The following CNTLN variants were observed in gnomAD, a reference collection of about 807,000 sequenced individuals.
CNTLN encodes centlein, centrosomal protein.
In CNTLN, 212 loss-of-function variants were observed where a neutral mutation model predicts 180.0. The observed-to-expected ratio is 1.18, with a 90% confidence interval of 1.05 to 1.32. The LOEUF (loss-of-function observed/expected upper bound fraction) is 1.32, where lower values mean the gene tolerates loss of function less well. CNTLN is among the 40% of genes most tolerant of loss of function. The probability of loss-of-function intolerance (pLI) is 0.00; values close to 1 mark genes in which losing one functional copy is unlikely to be tolerated. For synonymous variants in CNTLN, 722 were observed against 563.1 expected, an observed-to-expected ratio of 1.28 and a Z score of -3.99; for missense variants, 2,095 against 1,610.9, an observed-to-expected ratio of 1.30 and a Z score of -5.14.
chr9:17,327,026 G>T (rs747097026), intron 8 of CNTLN, among the ~76,000 whole-genome samples: 2 of 152,066 alleles, frequency 1.3e-5, no homozygotes, highest in African/African-American at 4.8e-5. Flanking sequence ...TTCAGTAATT[G>T]TAACAAATGT....
At chr9:17,268,453 G>T (rs10962980) in intron 5 of CNTLN, among the ~76,000 whole-genome samples, 7,118 of 152,228 alleles carry the variant, frequency 0.047, 223 homozygotes, top group South Asian at 0.15. Context: ...TGCCCCTACT[G>T]GGGGGTGCCT....
intron 16 of CNTLN, among the ~76,000 whole-genome samples, chr9:17,410,732 G>A (rs750588631): frequency 6.6e-5 from 10 of 152,066 alleles, no homozygotes; most frequent in Non-Finnish European, 1.5e-4. Context: ...TTCATGTGAT[G>A]TGAGATAGGG....
rs1588021976 is a variant in CNTLN, at chr9:17,448,993, C to T, written c.3115-8531C>T. ...AATAGCGCTACCATCCTCTTTCTTT[C>T]CTATTGAGGAAAGGAGTCAGAATGG... On this transcript the variant is annotated intron_variant, in intron 18 of 25. Coordinates refer to ENST00000380647, the MANE Select transcript of CNTLN (RefSeq NM_017738.4). Among the ~76,000 whole-genome samples, 5 of 152,244 alleles carry T rather than the reference C, an allele frequency of 3.3e-5. No individual in the cohort carries two copies. In the South Asian group the frequency reaches 1.0e-3, roughly 32 times the overall value.
At chr9:17,159,806 G>A (rs557904416) in intron 2 of CNTLN, among the ~76,000 whole-genome samples, 1 of 152,156 alleles carries the variant, frequency 6.6e-6, no homozygotes, top group Non-Finnish European at 1.5e-5. Flanking sequence ...CTTTCATACT[G>A]ATTGATAGAT....
At position 17,370,208 on chromosome 9, in the gene CNTLN, T is replaced by C. The variant is rs190352937; in HGVS notation, c.1987+3491T>C. On this transcript the variant is annotated intron_variant, in intron 13 of 25. Coordinates refer to ENST00000380647, the MANE Select transcript of CNTLN (RefSeq NM_017738.4). ...ATAACAATATTCAACTATGAGAAAG[T>C]TGTAGAACACCAAGCAGGTTTAACC... Among the ~76,000 whole-genome samples the C allele has an allele frequency of 5.2e-3, 793 of 152,204 alleles. 5 individuals carry two copies. Among genetic ancestry groups the C allele is most frequent in the Admixed American group, 8.2e-3 (126 of 15,284 alleles).
chr9:17,193,563 A>C (rs1821925992), intron 2 of CNTLN, among the ~76,000 whole-genome samples: 1 of 152,160 alleles, frequency 6.6e-6, no homozygotes, highest in Non-Finnish European at 1.5e-5. Context: ...GTGATCAAAG[A>C]GGTGAGTTCC....
chr9:17,192,074 A>G (rs539013387), intron 2 of CNTLN, among the ~76,000 whole-genome samples: 24 of 152,290 alleles, frequency 1.6e-4, no homozygotes, highest in African/African-American at 5.1e-4. Context: ...CCTATATACT[A>G]TCATAAGTAT....
the CNTLN span, among the ~76,000 whole-genome samples, chr9:17,521,062 A>C: frequency 1.3e-5 from 2 of 152,198 alleles, no homozygotes; most frequent in Non-Finnish European, 2.9e-5. Flanking sequence ...GAGCATTTAA[A>C]CTGTTTATCT....
intron 2 of CNTLN, among the ~76,000 whole-genome samples, chr9:17,207,659 G>T (rs902453847): frequency 6.6e-6 from 1 of 151,886 alleles, no homozygotes; most frequent in Non-Finnish European, 1.5e-5. Context: ...CTCACCCTCC[G>T]TGCTTTGTAC....
At chr9:17,239,034 T>A (rs897649043) in intron 5 of CNTLN, among the ~76,000 whole-genome samples, 3 of 152,124 alleles carry the variant, frequency 2.0e-5, no homozygotes, top group Non-Finnish European at 2.9e-5. Context: ...CTCATTATGG[T>A]TTTTTATTTG....
intron 3 of CNTLN, among the ~76,000 whole-genome samples, chr9:17,230,039 G>A (rs137894089): frequency 7.2e-5 from 11 of 152,276 alleles, no homozygotes; most frequent in African/African-American, 2.6e-4. Flanking sequence ...GTAACACTCA[G>A]GACCAAAAGT....
chr9:17,299,494 A>T (rs1818200198), intron 7 of CNTLN: 1 of 980,406 alleles, frequency 1.0e-6, no homozygotes, highest in South Asian at 4.7e-5. Flanking sequence ...TATAATTAAC[A>T]TGAAATTAAT....
intron 25 of CNTLN, among the ~76,000 whole-genome samples, chr9:17,501,887 G>A (rs752953510): frequency 6.6e-6 from 1 of 152,188 alleles, no homozygotes; most frequent in Admixed American, 6.5e-5. Flanking sequence ...TATTGGATGA[G>A]TTGGAGTTCT....
At chr9:17,195,096 C>T (rs986257846) in intron 2 of CNTLN, among the ~76,000 whole-genome samples, 5 of 152,064 alleles carry the variant, frequency 3.3e-5, no homozygotes, top group Admixed American at 2.0e-4. Context: ...GGGACACAGC[C>T]AAACCATATC....
intron 5 of CNTLN, among the ~76,000 whole-genome samples, chr9:17,243,275 G>C: frequency 6.6e-6 from 1 of 152,096 alleles, no homozygotes; most frequent in Admixed American, 6.5e-5. Context: ...AAAAAACCCA[G>C]TTTCTTTTCA....
At chr9:17,508,380 A>T (rs570285385), downstream of CNTLN, among the ~76,000 whole-genome samples, 1 of 152,356 alleles carries the variant, frequency 6.6e-6, no homozygotes, top group East Asian at 1.9e-4. Context: ...AACCAGGAAG[A>T]TGGCATTGGT....
chr9:17,434,776 C>T (rs917732531), intron 18 of CNTLN, among the ~76,000 whole-genome samples: 7 of 151,456 alleles, frequency 4.6e-5, no homozygotes, highest in African/African-American at 1.5e-4. Flanking sequence ...TATAGGTTGT[C>T]TGTGAAGTCT....
chr9:17,456,038 GGTT>G (rs1443005725), intron 18 of CNTLN, among the ~76,000 whole-genome samples: 1 of 151,812 alleles, frequency 6.6e-6, no homozygotes, highest in Non-Finnish European at 1.5e-5. Context: ...GGAGAGAGAG[GGTT>G]GTTGTAATAA....
At chr9:17,350,248 T>C (rs6475140) in intron 12 of CNTLN, among the ~76,000 whole-genome samples, 134,207 of 152,214 alleles carry the variant, frequency 0.88, 59,463 homozygotes, top group Non-Finnish European at 0.92. Flanking sequence ...ATTGCATGTT[T>C]TTGCTAGGAA....
Sources: gnomAD v4.1 joint callset for allele counts (sites outside exome capture counted in the v4.1 genomes callset) on GRCh38, gnomAD v4.1.1 for gene constraint, MANE v1.5 for transcripts, NCBI Gene and HGNC (gene_info 2026-07-23, HGNC 2026-07-21) for gene names.